DUS2: variants seen among roughly 807,000 people sequenced by gnomAD.
DUS2 encodes tRNA-dihydrouridine(20) synthase [NAD(P)+]-like.
In DUS2, 52 loss-of-function variants were observed where a neutral mutation model predicts 71.3. That is an observed-to-expected ratio of 0.73 (90% CI 0.58 to 0.92). The LOEUF (loss-of-function observed/expected upper bound fraction) is 0.92, where lower values mean the gene tolerates loss of function less well. DUS2 is among the 40% of genes least tolerant of loss of function. The pLI, the probability that DUS2 is intolerant of heterozygous loss-of-function variation, is 0.00. For missense variants in DUS2, 558 were observed against 622.6 expected (o/e 0.90, Z 1.10); for synonymous variants, 204 against 227.8 (o/e 0.90, Z 0.94).
At chr16:68,058,391 A>AT (rs370157927) in intron 7 of DUS2, among the ~76,000 whole-genome samples, 3 of 151,530 alleles carry the variant, frequency 2.0e-5, no homozygotes, top group East Asian at 1.9e-4. Flanking sequence ...CACCCAACTA[A>AT]TTTTTTTTGT....
At chr16:68,071,660 T>TG (rs1167634808) in intron 12 of DUS2, among the ~76,000 whole-genome samples, 4 of 145,346 alleles carry the variant, frequency 2.8e-5, no homozygotes, top group Non-Finnish European at 1.5e-5. Flanking sequence ...TTTTTTGAGA[T>TG]GGGGTCTTGC....
Position 68,068,388 on chromosome 16 carries a change from A to G in DUS2, c.555-1746A>G, listed in dbSNP as rs1051083046. Among the ~76,000 whole-genome samples, 7 of 151,950 alleles carry G rather than the reference A, an allele frequency of 4.6e-5. No individual in the cohort carries two copies. The South Asian group carries it at 8.3e-4, about 18-fold the overall frequency. ...CCAAGGCAGCAGGCTTTGGATTCAG[A>G]CTCCCTGGTTTGAGATCCCGGCTCT... On this transcript the variant is annotated intron_variant, in intron 10 of 16. Coordinates refer to ENST00000565263, the MANE Select transcript of DUS2 (RefSeq NM_017803.5).
chr16:68,046,677 A>G (rs1181217198), intron 3 of DUS2, among the ~76,000 whole-genome samples: 2 of 152,034 alleles, frequency 1.3e-5, no homozygotes, highest in Non-Finnish European at 1.5e-5. Flanking sequence ...TTGGCATACA[A>G]TGGTTTATAT....
intron 9 of DUS2, 64 bp from the exon 10 acceptor site, chr16:68,066,502 T>G (rs2034007047): frequency 1.3e-6 from 2 of 1,594,170 alleles, no homozygotes; most frequent in Admixed American, 3.3e-5. Context: ...TGAGCCTACT[T>G]TAGGAGGCAG....
At chr16:68,076,521 G>A in intron 14 of DUS2, 111 bp from the exon 15 acceptor site, 1 of 759,466 alleles carries the variant, frequency 1.3e-6, no homozygotes, top group East Asian at 2.7e-5. Context: ...GCAGCTCGGT[G>A]TCTCAGTTCC....
chr16:68,066,359 T>C lies in DUS2; in HGVS notation c.460T>C (p.Cys154Arg). 1 of 1,614,212 alleles carries C rather than the reference T, an allele frequency of 6.2e-7. No individual in the cohort carries two copies. Among genetic ancestry groups the C allele is most frequent in the Non-Finnish European group, 8.5e-7 (1 of 1,180,014 alleles). Reference protein sequence around the residue: ...LVKGTRRPVTCKIRILPSLED... With the variant: ...LVKGTRRPVTRKIRILPSLED... Reference sequence around the variant, plus strand: ...TAAAGGGACACGCAGACCTGTGACCTGCAAGATTCGCATCCTGCCATCGGT... The same window carrying C: ...TAAAGGGACACGCAGACCTGTGACCCGCAAGATTCGCATCCTGCCATCGGT... The change falls in exon 9 of 17, where the codon TGC becomes CGC. Residue 154 changes from cysteine to arginine, a missense_variant. By Grantham distance (180) the Cys-to-Arg change is radical. Transcript: ENST00000565263.
At chr16:68,045,374 G>C in intron 3 of DUS2, among the ~76,000 whole-genome samples, 1 of 151,896 alleles carries the variant, frequency 6.6e-6, no homozygotes, top group Non-Finnish European at 1.5e-5. Context: ...GGGAGACCGA[G>C]GCGGGTGGAT....
intron 2 of DUS2, among the ~76,000 whole-genome samples, chr16:68,031,468 CTCTGTT>C (rs2033437877): frequency 6.6e-6 from 1 of 151,888 alleles, no homozygotes; most frequent in Admixed American, 6.6e-5. Context: ...TGGCCATGAA[CTCTGTT>C]TCTAAGCAAC....
chr16:68,031,036 G>C (rs1451517795), intron 2 of DUS2, among the ~76,000 whole-genome samples: 1 of 152,030 alleles, frequency 6.6e-6, no homozygotes, highest in Non-Finnish European at 1.5e-5. Context: ...GAGCCACCTT[G>C]CCTGGCATAG....
chr16:68,061,566 C>T (rs909887873), intron 8 of DUS2, among the ~76,000 whole-genome samples: 3 of 152,168 alleles, frequency 2.0e-5, no homozygotes, highest in African/African-American at 4.8e-5. Flanking sequence ...GAGTCTACCC[C>T]AGCCCTTGGA....
In DUS2 at chr16:68,073,957, C is replaced by T. The variant is rs982297447; in HGVS notation, c.811-77C>T. On this transcript the variant is annotated intron_variant, in intron 12 of 16. Coordinates refer to ENST00000565263, the MANE Select transcript of DUS2 (RefSeq NM_017803.5). ...ATACATCTCTGGTGCCTTCTTGGAG[C>T]TCCTTTCCCTGCCATCAGAGCATAG... 3.2e-6 allele frequency: 5 copies of T among 1,579,206 alleles called. No individual in the cohort carries two copies. In the African/African-American group the frequency reaches 4.1e-5, roughly 13 times the overall value.
chr16:68,031,955 A>G (rs2033447137), intron 2 of DUS2, among the ~76,000 whole-genome samples: 1 of 152,226 alleles, frequency 6.6e-6, no homozygotes, highest in African/African-American at 2.4e-5. Context: ...TTGGCCTCCC[A>G]AAGTGCTGGG....
chr16:68,035,929 T>TATATATATACATAC (rs1416625748), intron 2 of DUS2, among the ~76,000 whole-genome samples: 1 of 108,576 alleles, frequency 9.2e-6, no homozygotes, highest in African/African-American at 3.9e-5. Flanking sequence ...TATATATATA[T>TATATATATACATAC]ACACACATAC....
At chr16:68,065,100 G>A (rs1336534235) in intron 8 of DUS2, among the ~76,000 whole-genome samples, 1 of 152,162 alleles carries the variant, frequency 6.6e-6, no homozygotes, top group Non-Finnish European at 1.5e-5. Context: ...TTCTTGTGTG[G>A]TCTGGTCTTG....
chr16:68,032,788 C>A (rs2033458511), intron 2 of DUS2, among the ~76,000 whole-genome samples: 1 of 150,028 alleles, frequency 6.7e-6, no homozygotes, highest in Admixed American at 6.8e-5. Context: ...GTGGTGGGTG[C>A]CTGTAATCCC....
chr16:68,043,295 A>G (rs1598304318), intron 3 of DUS2, among the ~76,000 whole-genome samples: 1 of 152,164 alleles, frequency 6.6e-6, no homozygotes, highest in South Asian at 2.1e-4. Context: ...AATCCCAGCT[A>G]CTGGGGAGGC....
chr16:68,034,467 C>G (rs1406861427), intron 2 of DUS2, among the ~76,000 whole-genome samples: 1 of 152,204 alleles, frequency 6.6e-6, no homozygotes, highest in Non-Finnish European at 1.5e-5. Flanking sequence ...ATCCGCCCAC[C>G]TCAGCCTCCC....
intron 14 of DUS2, among the ~76,000 whole-genome samples, 161 bp from the exon 15 acceptor site, chr16:68,076,471 A>G (rs1346482867): frequency 6.6e-6 from 1 of 152,176 alleles, no homozygotes; most frequent in Non-Finnish European, 1.5e-5. Flanking sequence ...GTAGGACAAG[A>G]ATGGGAGCCT....
intron 2 of DUS2, among the ~76,000 whole-genome samples, chr16:68,037,757 G>A (rs757947080): frequency 6.1e-4 from 92 of 151,972 alleles, no homozygotes; most frequent in Non-Finnish European, 1.1e-3. Flanking sequence ...AAAATTAGCC[G>A]GTCGTGGTGG....
Sources: allele counts gnomAD v4.1 joint callset (sites outside exome capture counted in the v4.1 genomes callset), GRCh38; gene constraint gnomAD v4.1.1; transcripts MANE v1.5; gene names NCBI Gene and HGNC (gene_info 2026-07-23, HGNC 2026-07-21).